TLK1: variants seen among roughly 807,000 people sequenced by gnomAD.
TLK1 encodes tousled like kinase 1.
Under a neutral mutation model 105.3 loss-of-function variants are expected in TLK1, and 24 were observed. The ratio of observed to expected loss-of-function variants is 0.23; its 90% confidence interval spans 0.17 to 0.32. The LOEUF is 0.32. TLK1 is among the 10% of genes least tolerant of loss of function. The pLI is 1.00. For synonymous variants in TLK1, 321 were observed against 310.4 expected, an observed-to-expected ratio of 1.03 and a Z score of -0.36; for missense variants, 558 against 910.5, an observed-to-expected ratio of 0.61 and a Z score of 4.98.
In TLK1 at chr2:171,116,669, C is replaced by T. The variant is rs372507940; in HGVS notation, c.258+1070G>A. On this transcript the variant is annotated intron_variant, in intron 2 of 20. Transcript: ENST00000431350. ...GAGCCAAGATCATGCCACTGCACTC[C>T]AGCCTGGGCGACAAAGTGAGACTCC... is the stretch of plus-strand genomic sequence containing the variant. 5.0e-3 allele frequency among the ~76,000 whole-genome samples: 755 copies of T among 149,758 alleles called. 6 individuals carry two copies. Among genetic ancestry groups the T allele is most frequent in the African/African-American group, 0.017 (701 of 40,640 alleles).
chr2:171,058,073 T>A, intron 5 of TLK1, 78 bp downstream of exon 5: 2 of 1,451,694 alleles, frequency 1.4e-6, no homozygotes. Flanking sequence ...GCTGACCTTG[T>A]GCTTCTAAGA....
intron 3 of TLK1, chr2:171,067,108 G>T: frequency 1.2e-6 from 1 of 831,186 alleles, no homozygotes. Context: ...TTATTTCTCT[G>T]GTATACATAC....
At chr2:171,036,199 C>T (rs1276415419) in intron 11 of TLK1, among the ~76,000 whole-genome samples, 2 of 152,224 alleles carry the variant, frequency 1.3e-5, no homozygotes, top group African/African-American at 4.8e-5. Flanking sequence ...AATCCCAGCA[C>T]TTTGGGAGGC....
intron 11 of TLK1, among the ~76,000 whole-genome samples, chr2:171,036,549 A>C (rs1686347655): frequency 6.6e-6 from 1 of 152,218 alleles, no homozygotes; most frequent in African/African-American, 2.4e-5. Context: ...TTGAATCCAA[A>C]TGGAGTTTGA....
chr2:171,169,702 G>GA (rs201451554), intron 1 of TLK1, among the ~76,000 whole-genome samples: 45 of 151,462 alleles, frequency 3.0e-4, no homozygotes, highest in Non-Finnish European at 1.8e-4. Context: ...ACTTTATGGG[G>GA]AAAAAAAACG....
At chr2:171,194,570 C>A (rs1693223382) in intron 1 of TLK1, among the ~76,000 whole-genome samples, 1 of 152,180 alleles carries the variant, frequency 6.6e-6, no homozygotes, top group Non-Finnish European at 1.5e-5. Context: ...GTAATCCCAG[C>A]ACTTTGGGAG....
chr2:171,214,636 A>G (rs561082415), intron 1 of TLK1, among the ~76,000 whole-genome samples: 146 of 152,278 alleles, frequency 9.6e-4, no homozygotes, highest in Non-Finnish European at 1.7e-3. Context: ...AGGCTGAAAA[A>G]TTTGCATTTC....
intron 1 of TLK1, among the ~76,000 whole-genome samples, chr2:171,129,326 C>G (rs1331614090): frequency 1.3e-5 from 2 of 152,108 alleles, no homozygotes; most frequent in Non-Finnish European, 2.9e-5. Flanking sequence ...TTAAAAAGGA[C>G]AGTGATGATT....
Position 170,993,782 on chromosome 2 carries a change from A to G in TLK1, c.2299T>C (p.Ter767ArgextTer47). 1 of 1,569,720 alleles carries G rather than the reference A, an allele frequency of 6.4e-7. No homozygotes were observed. The highest frequency in any genetic ancestry group is 8.6e-7 in the Non-Finnish European group (1 of 1,157,828). ...TPPSSSIITY[*>R] ...ATCATGCCAATCTTGGAGGAAAGTC[A>G]GTAAGTAATTATGCTTGAAGAAGGG... Residue 767 changes from the stop codon to arginine, a stop_lost, in exon 21 of 21, where the codon TGA becomes CGA. Coordinates refer to ENST00000431350, the MANE Select transcript of TLK1 (RefSeq NM_012290.5).
At chr2:171,078,125 T>TA (rs1688596015) in intron 3 of TLK1, among the ~76,000 whole-genome samples, 3 of 152,238 alleles carry the variant, frequency 2.0e-5, no homozygotes, top group Non-Finnish European at 2.9e-5. Flanking sequence ...CTTCCTTCTG[T>TA]GATGCCCATC....
intron 4 of TLK1, chr2:171,060,046 AGGGGGG>A: frequency 6.2e-7 from 1 of 1,603,864 alleles, no homozygotes; most frequent in South Asian, 1.1e-5. Context: ...CTCCAAAGGA[AGGGGGG>A]AAAAAACACT....
At chr2:170,996,204 G>A (rs1351258743) in intron 20 of TLK1, among the ~76,000 whole-genome samples, 1 of 151,632 alleles carries the variant, frequency 6.6e-6, no homozygotes, top group African/African-American at 2.4e-5. Flanking sequence ...TCACCATGTT[G>A]GTCAGGCTGG....
intron 1 of TLK1, among the ~76,000 whole-genome samples, chr2:171,215,422 T>C (rs1323503484): frequency 1.4e-5 from 2 of 145,340 alleles, no homozygotes; most frequent in African/African-American, 5.1e-5. Context: ...CTCAGCGATC[T>C]GAGGGAATCA....
chr2:171,201,313 G>A (rs901015423), intron 1 of TLK1, among the ~76,000 whole-genome samples: 1 of 152,076 alleles, frequency 6.6e-6, no homozygotes, highest in African/African-American at 2.4e-5. Context: ...CTATTGAAAT[G>A]CCATCTCATT....
At chr2:171,130,057 T>A (rs1242698573) in intron 1 of TLK1, among the ~76,000 whole-genome samples, 1 of 152,238 alleles carries the variant, frequency 6.6e-6, no homozygotes, top group Non-Finnish European at 1.5e-5. Context: ...GTGGCCAGAC[T>A]GCCTGAGTTC....
intron 1 of TLK1, among the ~76,000 whole-genome samples, chr2:171,228,144 C>T (rs542917039): frequency 6.6e-6 from 1 of 152,282 alleles, no homozygotes. Context: ...CCACTGCACT[C>T]TAGCCTGGGT....
intron 12 of TLK1, among the ~76,000 whole-genome samples, chr2:171,017,429 T>C (rs1685260368): frequency 6.6e-6 from 1 of 152,210 alleles, no homozygotes; most frequent in Non-Finnish European, 1.5e-5. Context: ...GAATAAATAC[T>C]TGTTTTAACT....
At chr2:171,226,745 G>A (rs2105333531) in intron 1 of TLK1, among the ~76,000 whole-genome samples, 1 of 152,250 alleles carries the variant, frequency 6.6e-6, no homozygotes, top group East Asian at 1.9e-4. Context: ...AAGCAAAGTG[G>A]CAGATGGCAA....
At chr2:171,206,711 G>C (rs958885903) in intron 1 of TLK1, among the ~76,000 whole-genome samples, 3 of 152,308 alleles carry the variant, frequency 2.0e-5, no homozygotes, top group South Asian at 2.1e-4. Flanking sequence ...GACATGAAAA[G>C]TCCCCTTGAC....
Sources: allele counts gnomAD v4.1 joint callset (sites outside exome capture counted in the v4.1 genomes callset), GRCh38; gene constraint gnomAD v4.1.1; transcripts MANE v1.5; gene names NCBI Gene and HGNC (gene_info 2026-07-23, HGNC 2026-07-21).